The following CLASP2 variants were observed in gnomAD, a reference collection of about 807,000 sequenced individuals.
The protein encoded by CLASP2 is CLIP-associating protein 2.
CLASP2 carries 47 observed loss-of-function variants against 194.4 expected under a neutral mutation model. The observed-to-expected ratio is 0.24, with a 90% confidence interval of 0.19 to 0.31. The LOEUF is 0.31. Among genes scored for constraint, CLASP2 ranks in the 10% least tolerant of loss-of-function variants. The probability of loss-of-function intolerance (pLI) is 1.00; values close to 1 mark genes in which losing one functional copy is unlikely to be tolerated. For missense variants in CLASP2, 1,445 were observed against 1,823.6 expected, an observed-to-expected ratio of 0.79 and a Z score of 3.78; for synonymous variants, 619 against 633.5, an observed-to-expected ratio of 0.98 and a Z score of 0.34.
intron 8 of CLASP2, among the ~76,000 whole-genome samples, chr3:33,635,462 T>C (rs895627002): frequency 6.6e-6 from 1 of 152,134 alleles, no homozygotes; most frequent in Admixed American, 6.6e-5. Flanking sequence ...CAAACATTCC[T>C]GCAGAAGAAA....
intron 7 of CLASP2, among the ~76,000 whole-genome samples, chr3:33,656,848 T>C (rs575976129): frequency 6.6e-6 from 1 of 152,204 alleles, no homozygotes; most frequent in East Asian, 1.9e-4. Flanking sequence ...CCATACTGAG[T>C]AAACACAGCA....
chr3:33,593,458 G>GA (rs1466465566), intron 20 of CLASP2, among the ~76,000 whole-genome samples: 1 of 151,884 alleles, frequency 6.6e-6, no homozygotes, highest in African/African-American at 2.4e-5. Flanking sequence ...TATTAATTAG[G>GA]AAAAAACATA....
rs116798800 is a variant in CLASP2 at position 33,606,475 on chromosome 3, T to C, written c.1694+116A>G. The C allele has an allele frequency of 9.2e-3, 6,877 of 743,754 alleles. 50 individuals are homozygous for C. Among genetic ancestry groups the C allele is most frequent in the Middle Eastern group, 0.033 (113 of 3,390 alleles). The allele number at this position is 743,754 out of a possible 1,614,324, so 46.1% of individuals were successfully genotyped here. A position where few individuals can be genotyped will look rare whatever the true frequency, so the allele number is the denominator to read the frequency against. ...CCAAAATAAATAAGTGTATTAGAGT[T>C]ACCATTCTTTCAAGGCTTTAGGTGA... On this transcript the variant is annotated intron_variant, in intron 16 of 38. Coordinates refer to ENST00000682230, the MANE Select transcript of CLASP2 (RefSeq NM_001365631.1).
chr3:33,606,085 GT>G (rs1163421363), intron 16 of CLASP2, among the ~76,000 whole-genome samples: 1 of 152,068 alleles, frequency 6.6e-6, no homozygotes, highest in Non-Finnish European at 1.5e-5. Context: ...CTGCTAAGCA[GT>G]AAGGATTTGA....
At chr3:33,678,801 C>A (rs574559471) in intron 6 of CLASP2, among the ~76,000 whole-genome samples, 3 of 152,192 alleles carry the variant, frequency 2.0e-5, no homozygotes, top group Non-Finnish European at 4.4e-5. Flanking sequence ...ATTCCACATT[C>A]GTGGATAGGA....
At chr3:33,535,592 T>A in intron 33 of CLASP2, 131 bp from the exon 34 acceptor site, 2 of 684,648 alleles carry the variant, frequency 2.9e-6, no homozygotes, top group Non-Finnish European at 4.8e-6. Flanking sequence ...CTAAAAAATT[T>A]AAGTAATGGC....
chr3:33,589,691 A>G (rs562589857), intron 21 of CLASP2, among the ~76,000 whole-genome samples: 58 of 152,260 alleles, frequency 3.8e-4, no homozygotes, highest in Admixed American at 1.2e-3. Context: ...ATTTAGGAGA[A>G]GATGTGGAGG....
intron 9 of CLASP2, among the ~76,000 whole-genome samples, chr3:33,630,161 C>G (rs2078805739): frequency 6.6e-6 from 1 of 152,162 alleles, no homozygotes. Context: ...CTGAATTCAT[C>G]AAGAATGTGT....
At chr3:33,621,291 T>G (rs779310052) in intron 11 of CLASP2, among the ~76,000 whole-genome samples, 21 of 152,210 alleles carry the variant, frequency 1.4e-4, no homozygotes, top group Non-Finnish European at 2.9e-4. Context: ...TTGTCCAATT[T>G]TCTGCAAGAG....
At chr3:33,672,440 T>G (rs960464435) in intron 6 of CLASP2, among the ~76,000 whole-genome samples, 1 of 152,100 alleles carries the variant, frequency 6.6e-6, no homozygotes, top group African/African-American at 2.4e-5. Context: ...CAAAAACCCA[T>G]CTGTACATCA....
chr3:33,604,733 T>C (rs1481883252), intron 16 of CLASP2, among the ~76,000 whole-genome samples: 2 of 152,166 alleles, frequency 1.3e-5, no homozygotes, highest in Non-Finnish European at 2.9e-5. Context: ...ATACTGGCAG[T>C]GAATAAAGAC....
At chr3:33,616,553 T>C (rs1001208256) in intron 12 of CLASP2, among the ~76,000 whole-genome samples, 4 of 152,110 alleles carry the variant, frequency 2.6e-5, no homozygotes, top group Admixed American at 6.6e-5. Context: ...AAGGGCTATC[T>C]GATAAAATTC....
intron 1 of CLASP2, among the ~76,000 whole-genome samples, chr3:33,698,052 T>A (rs1483003786): frequency 6.6e-6 from 1 of 152,056 alleles, no homozygotes; most frequent in African/African-American, 2.4e-5. Flanking sequence ...TGGACACTCT[T>A]AAGACTAAGG....
At chr3:33,615,490 C>CAT (rs2075979970) in intron 12 of CLASP2, among the ~76,000 whole-genome samples, 1 of 149,014 alleles carries the variant, frequency 6.7e-6, no homozygotes, top group African/African-American at 2.5e-5. Flanking sequence ...ACATAAAGTA[C>CAT]ATATATCAAG....
At chr3:33,664,986 A>C (rs1029378184) in intron 6 of CLASP2, among the ~76,000 whole-genome samples, 7 of 152,122 alleles carry the variant, frequency 4.6e-5, no homozygotes, top group African/African-American at 1.7e-4. Context: ...TTGTAGTCCC[A>C]GCTACTAGGG....
intron 1 of CLASP2, among the ~76,000 whole-genome samples, chr3:33,715,193 A>G (rs988509142): frequency 6.6e-6 from 1 of 152,228 alleles, no homozygotes; most frequent in African/African-American, 2.4e-5. Flanking sequence ...GTAGAGTCTC[A>G]TAATCATTTC....
chr3:33,521,002 C>G (rs1252819456), intron 34 of CLASP2, among the ~76,000 whole-genome samples: 1 of 151,990 alleles, frequency 6.6e-6, no homozygotes, highest in Non-Finnish European at 1.5e-5. Flanking sequence ...ATGATTGATT[C>G]CAGGACTGAA....
At chr3:33,686,170 A>G (rs571679168) in intron 5 of CLASP2, among the ~76,000 whole-genome samples, 21 of 152,260 alleles carry the variant, frequency 1.4e-4, no homozygotes, top group Non-Finnish European at 2.4e-4. Flanking sequence ...AAGAAGGGAA[A>G]ATCTTTCCTG....
intron 22 of CLASP2, among the ~76,000 whole-genome samples, chr3:33,583,525 T>C (rs1179304076): frequency 1.3e-5 from 2 of 152,244 alleles, no homozygotes; most frequent in East Asian, 1.9e-4. Flanking sequence ...GTATATGTTA[T>C]TTACAGCTTT....
Sources: gnomAD v4.1 joint callset for allele counts (sites outside exome capture counted in the v4.1 genomes callset) on GRCh38, gnomAD v4.1.1 for gene constraint, MANE v1.5 for transcripts, NCBI Gene and HGNC (gene_info 2026-07-23, HGNC 2026-07-21) for gene names.